KHDRBS2: variants seen among roughly 807,000 people sequenced by gnomAD.
KHDRBS2 encodes KH domain-containing, RNA-binding, signal transduction-associated protein 2.
KHDRBS2 carries 26 observed loss-of-function variants against 44.3 expected under a neutral mutation model. That is an observed-to-expected ratio of 0.59 (90% CI 0.43 to 0.81). KHDRBS2 has a LOEUF of 0.81. KHDRBS2 is among the 40% of genes least tolerant of loss of function. KHDRBS2 has a pLI of 0.00. For missense variants in KHDRBS2, 476 were observed against 433.1 expected, an observed-to-expected ratio of 1.10 and a Z score of -0.88; for synonymous variants, 194 against 151.1, an observed-to-expected ratio of 1.28 and a Z score of -2.08.
chr6:62,220,066 G>A (rs1830648763), intron 1 of KHDRBS2, among the ~76,000 whole-genome samples: 1 of 151,170 alleles, frequency 6.6e-6, no homozygotes, highest in Non-Finnish European at 1.5e-5. Context: ...AAATTTCTAG[G>A]GAGGAGCATG....
intron 6 of KHDRBS2, among the ~76,000 whole-genome samples, chr6:61,856,695 A>G (rs513021): frequency 0.57 from 87,198 of 151,762 alleles, 25,229 homozygotes; most frequent in South Asian, 0.68. Context: ...CTGAGTTGGT[A>G]TGTTGTTTTG....
At chr6:61,658,339 T>A in the KHDRBS2 span, among the ~76,000 whole-genome samples, 1 of 151,850 alleles carries the variant, frequency 6.6e-6, no homozygotes, top group African/African-American at 2.4e-5. Context: ...GAATGTGAAA[T>A]GCAGATAAAA....
intron 1 of KHDRBS2, among the ~76,000 whole-genome samples, chr6:62,209,432 A>G (rs1828625600): frequency 6.6e-6 from 1 of 152,214 alleles, no homozygotes; most frequent in South Asian, 2.1e-4. Context: ...TAAGCTCTCC[A>G]TGTTCCATAT....
At chr6:61,975,736 G>A (rs1179738309) in intron 4 of KHDRBS2, among the ~76,000 whole-genome samples, 2 of 151,392 alleles carry the variant, frequency 1.3e-5, no homozygotes, top group South Asian at 4.2e-4. Flanking sequence ...TAAGTGAAAA[G>A]GACTAAGGTA....
chr6:61,883,500 T>C (rs1800496279), intron 6 of KHDRBS2, among the ~76,000 whole-genome samples: 1 of 152,056 alleles, frequency 6.6e-6, no homozygotes, highest in African/African-American at 2.4e-5. Flanking sequence ...ATTCTGAGTA[T>C]TGTAGCCAAT....
chr6:62,094,450 T>C (rs1800134822), intron 2 of KHDRBS2, among the ~76,000 whole-genome samples: 2 of 151,946 alleles, frequency 1.3e-5, no homozygotes, highest in Non-Finnish European at 2.9e-5. Context: ...TTATCAAACA[T>C]ATAGTTTGCA....
At chr6:61,807,892 G>A (rs1472404194) in intron 6 of KHDRBS2, among the ~76,000 whole-genome samples, 1 of 152,032 alleles carries the variant, frequency 6.6e-6, no homozygotes, top group Non-Finnish European at 1.5e-5. Context: ...TACATACTCA[G>A]TGTGTTACAT....
chr6:61,736,839 A>T (rs1486963578), intron 6 of KHDRBS2, among the ~76,000 whole-genome samples: 1 of 151,952 alleles, frequency 6.6e-6, no homozygotes, highest in African/African-American at 2.4e-5. Context: ...TTCCAATAGC[A>T]TGTTTTCTCT....
At chr6:62,156,148 A>ACACT (rs1254808026) in intron 2 of KHDRBS2, among the ~76,000 whole-genome samples, 11 of 152,336 alleles carry the variant, frequency 7.2e-5, no homozygotes, top group African/African-American at 2.6e-4. Flanking sequence ...CAATCCAATT[A>ACACT]CACTTCATAG....
At chr6:61,924,371 C>T (rs919656207) in intron 4 of KHDRBS2, among the ~76,000 whole-genome samples, 3 of 152,034 alleles carry the variant, frequency 2.0e-5, no homozygotes, top group Non-Finnish European at 4.4e-5. Flanking sequence ...TGGAGAGATT[C>T]ATTATTTTGA....
intron 2 of KHDRBS2, among the ~76,000 whole-genome samples, chr6:62,065,916 A>G (rs983489573): frequency 6.6e-6 from 1 of 151,748 alleles, no homozygotes; most frequent in Admixed American, 6.6e-5. Flanking sequence ...TGCTATAAAT[A>G]ATTATTTACT....
At chr6:61,932,350 G>GAAAT (rs1562465569) in intron 4 of KHDRBS2, among the ~76,000 whole-genome samples, 3 of 152,014 alleles carry the variant, frequency 2.0e-5, no homozygotes, top group African/African-American at 7.2e-5. Flanking sequence ...GTCACCTGGC[G>GAAAT]GTACAACACA....
chr6:61,639,877 A>T, the KHDRBS2 span, among the ~76,000 whole-genome samples: 2 of 152,122 alleles, frequency 1.3e-5, no homozygotes, highest in Admixed American at 1.3e-4. Context: ...TGATAAATAA[A>T]TGTCCAGAAA....
chr6:61,621,932 C>T, the KHDRBS2 span, among the ~76,000 whole-genome samples: 1,372 of 152,282 alleles, frequency 9.0e-3, 8 homozygotes, highest in Non-Finnish European at 0.015. Flanking sequence ...AAAAAAGCTT[C>T]ACCATAGAGA....
intron 6 of KHDRBS2, among the ~76,000 whole-genome samples, chr6:61,868,777 G>A (rs1040539328): frequency 9.8e-5 from 15 of 152,318 alleles, no homozygotes; most frequent in African/African-American, 2.9e-4. Flanking sequence ...CACAGGCTGA[G>A]GCTGCTCAGA....
intron 8 of KHDRBS2, among the ~76,000 whole-genome samples, chr6:61,691,367 A>G (rs1246443448): frequency 6.6e-6 from 1 of 152,110 alleles, no homozygotes; most frequent in Non-Finnish European, 1.5e-5. Context: ...GCAACCCCTG[A>G]AATAGCAAAA....
intron 4 of KHDRBS2, among the ~76,000 whole-genome samples, chr6:61,963,024 C>T (rs1178540058): frequency 6.6e-6 from 1 of 152,094 alleles, no homozygotes; most frequent in Non-Finnish European, 1.5e-5. Context: ...CTCACACTGA[C>T]AGCAGCAGAC....
intron 4 of KHDRBS2, among the ~76,000 whole-genome samples, chr6:61,911,974 T>C (rs1174061581): frequency 4.6e-5 from 7 of 152,040 alleles, no homozygotes; most frequent in Non-Finnish European, 1.0e-4. Flanking sequence ...AAAACAATTA[T>C]TGCGCCACTT....
At chr6:61,998,860 C>T (rs897117564) in intron 3 of KHDRBS2, among the ~76,000 whole-genome samples, 4 of 152,066 alleles carry the variant, frequency 2.6e-5, no homozygotes, top group African/African-American at 4.8e-5. Context: ...AAAATACTGC[C>T]TGTTCATCTA....
Sources: allele counts gnomAD v4.1 joint callset (sites outside exome capture counted in the v4.1 genomes callset), GRCh38; gene constraint gnomAD v4.1.1; transcripts MANE v1.5; gene names NCBI Gene and HGNC (gene_info 2026-07-23, HGNC 2026-07-21).